The following ZNRF3 variants were observed in gnomAD, a reference collection of about 807,000 sequenced individuals.
ZNRF3 encodes the protein E3 ubiquitin-protein ligase ZNRF3.
In ZNRF3, 23 loss-of-function variants were observed where a neutral mutation model predicts 72.5. The ratio of observed to expected loss-of-function variants is 0.32; its 90% CI spans 0.23 to 0.45. The LOEUF is 0.45. Among genes scored for constraint, ZNRF3 ranks in the 20% least tolerant of loss-of-function variants. ZNRF3 has a pLI of 1.00. For missense variants in ZNRF3, 1,169 were observed against 1,272.1 expected, an observed-to-expected ratio of 0.92 and a Z score of 1.23; for synonymous variants, 610 against 545.3, an observed-to-expected ratio of 1.12 and a Z score of -1.65.
chr22:28,969,197 A>C (rs182554354), intron 1 of ZNRF3, among the ~76,000 whole-genome samples: 2 of 152,330 alleles, frequency 1.3e-5, no homozygotes, highest in Admixed American at 1.3e-4. Flanking sequence ...GGCTACTTTT[A>C]GTTCCCAGTC....
At chr22:28,910,398 C>T (rs1256831161) in intron 1 of ZNRF3, among the ~76,000 whole-genome samples, 1 of 152,184 alleles carries the variant, frequency 6.6e-6, no homozygotes, top group African/African-American at 2.4e-5. Flanking sequence ...TAACTTAGTT[C>T]TGTCCTTTCC....
chr22:28,900,262 A>G (rs970004108), intron 1 of ZNRF3, among the ~76,000 whole-genome samples: 32 of 152,186 alleles, frequency 2.1e-4, no homozygotes, highest in Admixed American at 7.9e-4. Context: ...TCCCTATTGT[A>G]TATAAGCAAA....
At chr22:28,919,198 G>A (rs1209902498) in intron 1 of ZNRF3, among the ~76,000 whole-genome samples, 1 of 152,212 alleles carries the variant, frequency 6.6e-6, no homozygotes, top group African/African-American at 2.4e-5. Flanking sequence ...CTGAACTGGA[G>A]TTTGCAGTCC....
At chr22:28,988,461 C>T (rs1438760594) in intron 2 of ZNRF3, among the ~76,000 whole-genome samples, 1 of 152,164 alleles carries the variant, frequency 6.6e-6, no homozygotes, top group Non-Finnish European at 1.5e-5. Context: ...GTTTTTGCAT[C>T]CCTCTTGTCT....
At chr22:28,916,772 A>C (rs2034414474) in intron 1 of ZNRF3, among the ~76,000 whole-genome samples, 1 of 151,976 alleles carries the variant, frequency 6.6e-6, no homozygotes, top group Non-Finnish European at 1.5e-5. Flanking sequence ...CCACAAAGAG[A>C]CCCTCAGTGC....
At chr22:28,918,319 C>G (rs1003255791) in intron 1 of ZNRF3, among the ~76,000 whole-genome samples, 2 of 152,136 alleles carry the variant, frequency 1.3e-5, no homozygotes, top group African/African-American at 2.4e-5. Flanking sequence ...AGGGTAAAAC[C>G]TGGTGAAGAA....
chr22:28,967,127 C>G (rs2035482921), intron 1 of ZNRF3, among the ~76,000 whole-genome samples: 1 of 152,112 alleles, frequency 6.6e-6, no homozygotes, highest in Admixed American at 6.5e-5. Context: ...GGTGATCCAC[C>G]CACCTTGGCC....
intron 2 of ZNRF3, among the ~76,000 whole-genome samples, chr22:28,995,169 C>G (rs2036026461): frequency 6.6e-6 from 1 of 152,224 alleles, no homozygotes; most frequent in African/African-American, 2.4e-5. Context: ...CGGGGTGGCT[C>G]ACGCCTGTAA....
chr22:29,041,074 A>C (rs1241499692), intron 2 of ZNRF3, among the ~76,000 whole-genome samples: 1 of 152,236 alleles, frequency 6.6e-6, no homozygotes, highest in African/African-American at 2.4e-5. Flanking sequence ...CCTTCTATAC[A>C]TACACACATT....
intron 1 of ZNRF3, among the ~76,000 whole-genome samples, chr22:28,913,119 A>G (rs1475077152): frequency 2.0e-5 from 3 of 152,380 alleles, no homozygotes; most frequent in Admixed American, 6.5e-5. Flanking sequence ...TTTCTGGAGT[A>G]TGCCCAAGAT....
chr22:29,036,616 G>T (rs2036872561), intron 2 of ZNRF3, among the ~76,000 whole-genome samples: 1 of 152,174 alleles, frequency 6.6e-6, no homozygotes, highest in African/African-American at 2.4e-5. Context: ...TAAGAATTGG[G>T]TGGGTATATA....
chr22:28,907,543 A>G (rs1452020423), intron 1 of ZNRF3, among the ~76,000 whole-genome samples: 1 of 152,108 alleles, frequency 6.6e-6, no homozygotes, highest in African/African-American at 2.4e-5. Flanking sequence ...CGTGCCTTTC[A>G]TGGTCTGGTT....
At chr22:28,884,185 A>G in intron 1 of ZNRF3, 119 bp downstream of exon 1, 4 of 800,196 alleles carry the variant, frequency 5.0e-6, no homozygotes, top group Non-Finnish European at 6.1e-6. Flanking sequence ...GGTGGCCGAG[A>G]GGCCGGCGGC....
chr22:28,911,371 C>T (rs756129158), intron 1 of ZNRF3, among the ~76,000 whole-genome samples: 13 of 152,184 alleles, frequency 8.5e-5, no homozygotes, highest in South Asian at 2.1e-4. Flanking sequence ...ACACAACTCC[C>T]GCCTGCCCTG....
chr22:28,956,573 A>G (rs931714202), intron 1 of ZNRF3, among the ~76,000 whole-genome samples: 2 of 152,104 alleles, frequency 1.3e-5, no homozygotes, highest in African/African-American at 2.4e-5. Context: ...TCTGCCTTTC[A>G]GTCCTTTGAA....
chr22:28,988,971 A>C (rs2035906042), intron 2 of ZNRF3, among the ~76,000 whole-genome samples: 1 of 152,214 alleles, frequency 6.6e-6, no homozygotes, highest in Non-Finnish European at 1.5e-5. Flanking sequence ...CTCTGCCTGG[A>C]ACAACCATGT....
chr22:28,949,073 G>C (rs1035979674), intron 1 of ZNRF3, among the ~76,000 whole-genome samples: 2 of 150,850 alleles, frequency 1.3e-5, no homozygotes, highest in Non-Finnish European at 3.0e-5. Context: ...TCTGCCTTCC[G>C]GGTTCAATCA....
chr22:29,053,878 G>A lies in ZNRF3; in HGVS notation c.*256G>A. 2.8e-6 allele frequency: 1 copy of A among 356,034 alleles called. No homozygotes were observed. The highest frequency in any genetic ancestry group is 5.0e-6 in the Non-Finnish European group (1 of 198,242). The allele number at this position is 356,034 out of a possible 1,614,324, so 22.1% of individuals were successfully genotyped here. A position where few individuals can be genotyped will look rare whatever the true frequency, so the allele number is the denominator to read the frequency against. ...AACATGTTGTTCTGTTTTGTAAAGT[G>A]TGTGTGCTTGGGGTTCCGAGGTGTG... On this transcript the variant is annotated 3_prime_UTR_variant, in exon 9 of 9. Coordinates refer to ENST00000544604, the MANE Select transcript of ZNRF3 (RefSeq NM_001206998.2).
intron 1 of ZNRF3, among the ~76,000 whole-genome samples, chr22:28,973,736 A>C (rs1021573477): frequency 6.6e-6 from 1 of 152,066 alleles, no homozygotes; most frequent in East Asian, 1.9e-4. Flanking sequence ...TTTTGTTTCT[A>C]TGTTTTTCCA....
Sources: allele counts gnomAD v4.1 joint callset (sites outside exome capture counted in the v4.1 genomes callset), GRCh38; gene constraint gnomAD v4.1.1; transcripts MANE v1.5; gene names NCBI Gene and HGNC (gene_info 2026-07-23, HGNC 2026-07-21).